Variants in CORO2B observed in about 807,000 individuals in gnomAD.
The protein encoded by CORO2B is coronin-2B.
Under a neutral mutation model 58.8 loss-of-function variants are expected in CORO2B, and 26 were observed. The observed-to-expected ratio is 0.44, with a 90% confidence interval of 0.32 to 0.61. CORO2B has a LOEUF of 0.61. Among genes scored for constraint, CORO2B ranks in the 20% least tolerant of loss-of-function variants. The probability of loss-of-function intolerance (pLI) is 0.04; values close to 1 mark genes in which losing one functional copy is unlikely to be tolerated. For missense variants in CORO2B, 460 were observed against 645.1 expected (o/e 0.71, Z 3.11); for synonymous variants, 242 against 253.8 (o/e 0.95, Z 0.44).
intron 1 of CORO2B, among the ~76,000 whole-genome samples, chr15:68,633,539 A>ACACT (rs1313230037): frequency 6.6e-6 from 1 of 151,828 alleles, no homozygotes; most frequent in African/African-American, 2.4e-5. Context: ...ACACACACAC[A>ACACT]CACACACTCA....
At chr15:68,591,090 C>T (rs1156857891) in intron 1 of CORO2B, among the ~76,000 whole-genome samples, 1 of 152,136 alleles carries the variant, frequency 6.6e-6, no homozygotes, top group Non-Finnish European at 1.5e-5. Flanking sequence ...ACACAGGCTG[C>T]AGGACTCAGA....
In CORO2B at chr15:68,631,682, C is replaced by T. The variant is rs993256182; in HGVS notation, c.16-13478C>T. ...AAGAGAACCAACCAACCCTGAAGTA[C>T]ACACCAGGTGCCAGGGGGCAGGGTG... On this transcript the variant is annotated intron_variant, in intron 1 of 11. Coordinates refer to ENST00000261861, the MANE Select transcript of CORO2B (RefSeq NM_006091.5). Among the ~76,000 whole-genome samples the T allele has an allele frequency of 2.6e-5, 4 of 152,214 alleles. No homozygotes were observed. In the South Asian group the frequency reaches 8.3e-4, roughly 32 times the overall value.
At chr15:68,619,655 C>T (rs925791065) in intron 1 of CORO2B, among the ~76,000 whole-genome samples, 5 of 151,966 alleles carry the variant, frequency 3.3e-5, no homozygotes, top group Non-Finnish European at 5.9e-5. Flanking sequence ...ATTGTAAATG[C>T]TGGGTGTAAA....
the CORO2B span, among the ~76,000 whole-genome samples, chr15:68,519,332 G>T: frequency 6.6e-6 from 1 of 152,266 alleles, no homozygotes; most frequent in South Asian, 2.1e-4. Flanking sequence ...TAGGGCAAAA[G>T]TCATATCTGA....
At chr15:68,606,438 C>G (rs1187239429) in intron 1 of CORO2B, among the ~76,000 whole-genome samples, 1 of 152,158 alleles carries the variant, frequency 6.6e-6, no homozygotes, top group Non-Finnish European at 1.5e-5. Context: ...CTCATGGTCC[C>G]TGTGTTCCCC....
intron 1 of CORO2B, among the ~76,000 whole-genome samples, chr15:68,636,170 C>T (rs1172307148): frequency 6.6e-6 from 1 of 152,200 alleles, no homozygotes; most frequent in Non-Finnish European, 1.5e-5. Flanking sequence ...AAGCACTAAA[C>T]ACACGTTGGC....
chr15:68,656,311 A>C (rs1421348315), intron 2 of CORO2B, among the ~76,000 whole-genome samples: 3 of 151,900 alleles, frequency 2.0e-5, no homozygotes, highest in African/African-American at 7.3e-5. Flanking sequence ...AGCATCACAT[A>C]GCACTTCTTG....
chr15:68,640,709 C>A (rs943883109), intron 1 of CORO2B, among the ~76,000 whole-genome samples: 4 of 152,064 alleles, frequency 2.6e-5, no homozygotes, highest in Non-Finnish European at 2.9e-5. Context: ...TTCTCAGATG[C>A]GATGATGGTG....
At chr15:68,672,691 C>T (rs905203003) in intron 2 of CORO2B, among the ~76,000 whole-genome samples, 1 of 152,184 alleles carries the variant, frequency 6.6e-6, no homozygotes, top group South Asian at 2.1e-4. Context: ...AATGGTGCCT[C>T]TAGAACCAGG....
In CORO2B at chr15:68,710,627, A is replaced by C. The variant is rs1892891326; in HGVS notation, c.334-105A>C. ...ATCGCCTCAAGCCAGGAGGTGGCTC[A>C]TCAGGCAGATCTCAGAAAGCCTGGT... On this transcript the variant is annotated intron_variant, in intron 3 of 11. Coordinates refer to ENST00000261861, the MANE Select transcript of CORO2B (RefSeq NM_006091.5). This position sits in a 1 kb window ranked among gnomAD's most constrained non-coding sequence, Gnocchi z 4.1. The C allele has an allele frequency of 7.5e-7, 1 of 1,325,290 alleles. No homozygotes were observed. The highest frequency in any genetic ancestry group is 2.9e-5 in the Admixed American group (1 of 34,816). 82.1% of individuals were successfully genotyped at this position (1,325,290 alleles called of 1,614,324 possible).
intron 1 of CORO2B, among the ~76,000 whole-genome samples, chr15:68,633,421 A>T (rs908789892): frequency 7.9e-5 from 12 of 151,342 alleles, no homozygotes; most frequent in Admixed American, 2.0e-4. Context: ...AGTTTAATTT[A>T]AAAAAAAAGT....
chr15:68,575,583 G>GCCCC (rs1423253475), upstream of CORO2B, among the ~76,000 whole-genome samples: 7 of 55,984 alleles, frequency 1.3e-4, 1 homozygote, highest in Admixed American at 5.6e-4. Context: ...ATCTGCCCCC[G>GCCCC]CCTCGGCCTC....
At chr15:68,717,187 C>T (rs1396759377) in intron 8 of CORO2B, among the ~76,000 whole-genome samples, 1 of 151,666 alleles carries the variant, frequency 6.6e-6, no homozygotes, top group Non-Finnish European at 1.5e-5. Flanking sequence ...GGTGATACAC[C>T]CCTGTAATCC....
At chr15:68,552,477 T>TTGG in the CORO2B span, among the ~76,000 whole-genome samples, 4,643 of 121,404 alleles carry the variant, frequency 0.038, 5 homozygotes, top group East Asian at 0.062. Flanking sequence ...CGCGGGGGGG[T>TTGG]GGGGGGGGCA....
At chr15:68,604,298 A>G (rs1053956993) in intron 1 of CORO2B, among the ~76,000 whole-genome samples, 1 of 152,226 alleles carries the variant, frequency 6.6e-6, no homozygotes, top group Non-Finnish European at 1.5e-5. Flanking sequence ...CCATCAGGAA[A>G]TTGGTTCCAT....
At chr15:68,556,903 T>C in the CORO2B span, among the ~76,000 whole-genome samples, 3 of 152,192 alleles carry the variant, frequency 2.0e-5, no homozygotes, top group South Asian at 6.2e-4. Flanking sequence ...AGGAGGGGAC[T>C]CACGAGAATC....
At chr15:68,581,246 G>A (rs967098239) in intron 1 of CORO2B, among the ~76,000 whole-genome samples, 3 of 151,868 alleles carry the variant, frequency 2.0e-5, no homozygotes, top group Admixed American at 1.3e-4. Flanking sequence ...CCTCCATGTC[G>A]CTCACCTCCT....
chr15:68,675,339 G>A (rs540355780), intron 2 of CORO2B, among the ~76,000 whole-genome samples: 10 of 152,180 alleles, frequency 6.6e-5, no homozygotes, highest in South Asian at 4.2e-4. Context: ...CCCTTTCCTC[G>A]GTCAGTTCAG....
At chr15:68,711,430 C>G (rs1261146927) in intron 4 of CORO2B, 112 bp from the exon 5 acceptor site, 2 of 878,966 alleles carry the variant, frequency 2.3e-6, no homozygotes, top group East Asian at 5.4e-5. Context: ...CCCAGCACAC[C>G]CCAGGCCCTG....
Sources: allele counts gnomAD v4.1 joint callset (sites outside exome capture counted in the v4.1 genomes callset), GRCh38; gene constraint gnomAD v4.1.1; non-coding constraint Gnocchi (gnomAD v3.1); transcripts MANE v1.5; gene names NCBI Gene and HGNC (gene_info 2026-07-23, HGNC 2026-07-21).